The following NGLY1 variants were observed in gnomAD, a reference collection of about 807,000 sequenced individuals.
The protein encoded by NGLY1 is N-glycanase 1.
NGLY1 carries 68 observed loss-of-function variants against 84.6 expected under a neutral mutation model. That is an observed-to-expected ratio of 0.80 (90% CI 0.66 to 0.98). NGLY1 has a LOEUF of 0.98. Among genes scored for constraint, NGLY1 ranks in the 50% least tolerant of loss-of-function variants. The probability of loss-of-function intolerance (pLI) is 0.00; values close to 1 mark genes in which losing one functional copy is unlikely to be tolerated. For synonymous variants in NGLY1, 280 were observed against 275.2 expected, an observed-to-expected ratio of 1.02 and a Z score of -0.17; for missense variants, 779 against 770.2, an observed-to-expected ratio of 1.01 and a Z score of -0.14.
At chr3:25,787,599 A>ATC (rs1708632752), upstream of NGLY1, among the ~76,000 whole-genome samples, 2 of 152,230 alleles carry the variant, frequency 1.3e-5, no homozygotes, top group Admixed American at 6.5e-5. Context: ...AAGAGGAGTA[A>ATC]GAGAGACTCC....
At chr3:25,727,404 G>A (rs1363178042) in intron 10 of NGLY1, among the ~76,000 whole-genome samples, 1 of 152,010 alleles carries the variant, frequency 6.6e-6, no homozygotes, top group Non-Finnish European at 1.5e-5. Context: ...GTTCTATTTG[G>A]AGATCTTGAA....
chr3:25,747,914 C>T (rs1706521150), intron 4 of NGLY1, among the ~76,000 whole-genome samples: 1 of 152,204 alleles, frequency 6.6e-6, no homozygotes, highest in Admixed American at 6.5e-5. Context: ...CCCCACACTT[C>T]TGTGCATTTT....
chr3:25,786,206 A>C (rs1320647010), upstream of NGLY1, among the ~76,000 whole-genome samples: 2 of 152,060 alleles, frequency 1.3e-5, no homozygotes, highest in Non-Finnish European at 1.5e-5. Flanking sequence ...CTGGAGTCCC[A>C]GCTACTTGGG....
At chr3:25,789,115 A>T (rs1370139259) in intron 1 of NGLY1, among the ~76,000 whole-genome samples, 1 of 152,232 alleles carries the variant, frequency 6.6e-6, no homozygotes, top group Non-Finnish European at 1.5e-5. Context: ...CAGATGTTCG[A>T]TGAATACCAT....
intron 7 of NGLY1, 81 bp downstream of exon 7, chr3:25,735,923 A>T: frequency 3.3e-6 from 4 of 1,210,230 alleles, no homozygotes; most frequent in Non-Finnish European, 4.6e-6. Flanking sequence ...ATTGTATGTT[A>T]ATTATACATT....
chr3:25,761,280 C>T (rs148836543), intron 3 of NGLY1, among the ~76,000 whole-genome samples: 4 of 152,108 alleles, frequency 2.6e-5, no homozygotes, highest in Non-Finnish European at 4.4e-5. Context: ...CATTTTCAAC[C>T]GAGATAAAGT....
chr3:25,735,942 T>G, intron 7 of NGLY1, 62 bp downstream of exon 7: 2 of 1,360,958 alleles, frequency 1.5e-6, no homozygotes, highest in Admixed American at 2.5e-5. Context: ...TTCATGAAGC[T>G]GTCATAAAAG....
At chr3:25,737,988 A>T (rs573924921) in intron 5 of NGLY1, among the ~76,000 whole-genome samples, 15 of 152,370 alleles carry the variant, frequency 9.8e-5, no homozygotes, top group Non-Finnish European at 1.8e-4. Flanking sequence ...AATAATTTAA[A>T]TATATGGCAG....
chr3:25,755,152 G>C (rs993364258), intron 3 of NGLY1: 5 of 1,257,600 alleles, frequency 4.0e-6, no homozygotes, highest in Middle Eastern at 2.5e-4. Flanking sequence ...TGGCAATCCA[G>C]TGTCGTGCTG....
rs148918928 is a variant in NGLY1, at chr3:25,747,122, G to A, written c.658+3976C>T. On this transcript the variant is annotated intron_variant, in intron 4 of 11. Transcript: ENST00000280700. ...GTTGGACTCTGCTTTACACTCAGTT[G>A]ATCTGTATATTTGAATTCTCATCTT... 4.2e-3 allele frequency among the ~76,000 whole-genome samples: 645 copies of A among 152,258 alleles called. 4 individuals carry two copies. The highest frequency in any genetic ancestry group is 0.014 in the African/African-American group (599 of 41,558).
At chr3:25,763,510 T>C (rs1325020621) in intron 3 of NGLY1, among the ~76,000 whole-genome samples, 4 of 152,298 alleles carry the variant, frequency 2.6e-5, no homozygotes, top group East Asian at 3.9e-4. Context: ...TAAAAATCCA[T>C]TGAGGTGCTT....
At chr3:25,767,235 T>C (rs1707627343) in intron 2 of NGLY1, among the ~76,000 whole-genome samples, 1 of 150,154 alleles carries the variant, frequency 6.7e-6, no homozygotes, top group Middle Eastern at 3.4e-3. Flanking sequence ...GAGGTTGCAG[T>C]GAGCCGAGAT....
rs1303098612 is a variant in NGLY1 at position 25,783,385 on chromosome 3, C to T, written c.6G>A (p.Ala2=). The T allele has an allele frequency of 2.6e-6, 4 of 1,538,328 alleles. No homozygotes were observed. The highest frequency in any genetic ancestry group is 1.2e-5 in the South Asian group (1 of 84,270). M[A]AAALGSSSGS... is the part of the protein sequence containing the mutation. The stretch of plus-strand genomic sequence containing the variant: ...CTGAGGAGCTGCCCAATGCCGCCGC[C>T]GCCATGCTTGAGCGCCAGCGGGCGC... Residue 2 remains alanine, a synonymous_variant, in exon 1 of 12, where the codon GCG becomes GCA. Transcript: ENST00000280700. The surrounding 1 kb of genome is among the most constrained non-coding windows in gnomAD (Gnocchi z 4.5).
intron 2 of NGLY1, 53 bp downstream of exon 2, chr3:25,778,521 T>C (rs1708254803): frequency 1.4e-5 from 14 of 971,598 alleles, no homozygotes; most frequent in Non-Finnish European, 2.0e-5. Flanking sequence ...ACCAACATGA[T>C]AATGGCTGCT....
In NGLY1 at chr3:25,737,326, T is replaced by C; in HGVS notation, c.1003+8A>G. ...CCTACTACCCTCTGCTCATTCCACATTCTGTACCTGTGTAATCCCAAACAT... is the reference window on the plus strand; with the variant it reads ...CCTACTACCCTCTGCTCATTCCACACTCTGTACCTGTGTAATCCCAAACAT... On this transcript the variant is annotated splice_region_variant and intron_variant, in intron 6 of 11. Transcript: ENST00000280700. 6.2e-7 allele frequency: 1 copy of C among 1,606,592 alleles called. No individual in the cohort carries two copies. Among genetic ancestry groups the C allele is most frequent in the African/African-American group, 1.3e-5 (1 of 74,600 alleles).
At chr3:25,724,982 C>G (rs1472313322) in intron 10 of NGLY1, among the ~76,000 whole-genome samples, 1 of 152,196 alleles carries the variant, frequency 6.6e-6, no homozygotes, top group Non-Finnish European at 1.5e-5. Context: ...AATCTCCCCA[C>G]AACTTGCTTT....
intron 10 of NGLY1, among the ~76,000 whole-genome samples, chr3:25,723,184 G>A (rs1384711617): frequency 2.0e-5 from 3 of 152,058 alleles, no homozygotes; most frequent in African/African-American, 2.4e-5. Flanking sequence ...TCAGAACTGT[G>A]GTTTTAACTG....
chr3:25,762,848 G>C (rs971679991), intron 3 of NGLY1, among the ~76,000 whole-genome samples: 2 of 152,176 alleles, frequency 1.3e-5, no homozygotes, highest in Non-Finnish European at 2.9e-5. Flanking sequence ...CAGCTACTCG[G>C]GAGGCGCAGG....
At chr3:25,755,744 C>T in intron 3 of NGLY1, 1 of 907,274 alleles carries the variant, frequency 1.1e-6, no homozygotes, top group Non-Finnish European at 1.7e-6. Context: ...ATATACTGAA[C>T]TAGAATATTC....
Sources: allele counts gnomAD v4.1 joint callset (sites outside exome capture counted in the v4.1 genomes callset), GRCh38; gene constraint gnomAD v4.1.1; non-coding constraint Gnocchi (gnomAD v3.1); transcripts MANE v1.5; gene names NCBI Gene and HGNC (gene_info 2026-07-23, HGNC 2026-07-21).